PTPN14: variants seen among roughly 807,000 people sequenced by gnomAD.
The protein encoded by PTPN14 is tyrosine-protein phosphatase non-receptor type 14.
A neutral mutation model predicts 126.8 loss-of-function variants in PTPN14; 53 were observed. The ratio of observed to expected loss-of-function variants is 0.42; its 90% confidence interval spans 0.34 to 0.53. The LOEUF (loss-of-function observed/expected upper bound fraction) is 0.53. PTPN14 is among the 20% of genes least tolerant of loss of function. The pLI, the probability that PTPN14 is intolerant of heterozygous loss-of-function variation, is 0.08. For synonymous variants in PTPN14, 630 were observed against 599.3 expected (o/e 1.05, Z -0.75); for missense variants, 1,257 against 1,552.9 (o/e 0.81, Z 3.20).
At position 214,355,959 on chromosome 1, in the gene PTPN14, C is replaced by CTTTTTTTTTTTTTTTTTTTTTTTTT. The variant is rs58372033; in HGVS notation, c.*1962_*1963insAAAAAAAAAAAAAAAAAAAAAAAAA. On this transcript the variant is annotated 3_prime_UTR_variant, in exon 19 of 19. Coordinates refer to ENST00000366956, the MANE Select transcript of PTPN14 (RefSeq NM_005401.5). ...TAGTTTTTCTTGACAACCTTTTTTC[C>CTTTTTTTTTTTTTTTTTTTTTTTTT]TTTTTTTTTTTTTTTTTTGGAGGCA... 9.8e-6 allele frequency: 1 copy of CTTTTTTTTTTTTTTTTTTTTTTTTT among 101,684 alleles called. No individual in the cohort carries two copies. The highest frequency in any genetic ancestry group is 3.3e-4 in the South Asian group (1 of 3,068). 6.3% of individuals were successfully genotyped at this position (101,684 alleles called of 1,614,324 possible).
chr1:214,393,859 C>T (rs1658816711), intron 9 of PTPN14, 82 bp from the exon 10 acceptor site: 2 of 1,113,606 alleles, frequency 1.8e-6, no homozygotes, highest in South Asian at 2.6e-5. Context: ...TGAGGAGGGA[C>T]ACACATCCCT....
chr1:214,519,296 T>C (rs1655185052), intron 1 of PTPN14, among the ~76,000 whole-genome samples: 1 of 151,872 alleles, frequency 6.6e-6, no homozygotes, highest in Admixed American at 6.6e-5. Flanking sequence ...AACTCAACAA[T>C]CAAGAGGGAA....
intron 1 of PTPN14, among the ~76,000 whole-genome samples, chr1:214,510,226 T>A (rs1654939865): frequency 6.6e-6 from 1 of 152,192 alleles, no homozygotes; most frequent in Admixed American, 6.5e-5. Flanking sequence ...GCACAGTTTG[T>A]GACACCCCAA....
chr1:214,469,043 C>G (rs558474379), intron 1 of PTPN14, among the ~76,000 whole-genome samples: 1 of 152,286 alleles, frequency 6.6e-6, no homozygotes, highest in African/African-American at 2.4e-5. Flanking sequence ...AGAATTTGCA[C>G]AGCCACAGAG....
At chr1:214,453,364 A>G (rs1244033756) in intron 2 of PTPN14, among the ~76,000 whole-genome samples, 1 of 152,230 alleles carries the variant, frequency 6.6e-6, no homozygotes, top group East Asian at 1.9e-4. Context: ...CTGAATAGAA[A>G]GAAAACAGAC....
chr1:214,532,977 G>A (rs1329065370), intron 1 of PTPN14: 2 of 768,620 alleles, frequency 2.6e-6, no homozygotes, highest in African/African-American at 3.4e-5. Flanking sequence ...GAGAGGAGCT[G>A]GACAAGTGCT....
Position 214,364,584 on chromosome 1 carries a change from A to G in PTPN14, c.3363T>C (p.Cys1121=). 6.2e-7 allele frequency: 1 copy of G among 1,614,048 alleles called. No individual in the cohort carries two copies. The highest frequency in any genetic ancestry group is 8.5e-7 in the Non-Finnish European group (1 of 1,180,030). Reference sequence around the variant, plus strand: ...CGCCGGTCCTTCCCACCCCAGCACTACAGTGGACCACGATGGGCGGGTGCC... The same window carrying G: ...CGCCGGTCCTTCCCACCCCAGCACTGCAGTGGACCACGATGGGCGGGTGCC... The part of the protein sequence containing the change: ...KNRHPPIVVH[C]SAGVGRTGVL... The change falls in exon 18 of 19, where the codon TGT becomes TGC. Residue 1121 remains cysteine (C), a synonymous_variant. Transcript: ENST00000366956. This position sits in a 1 kb window ranked among gnomAD's most constrained non-coding sequence, Gnocchi z 4.1.
intron 18 of PTPN14, among the ~76,000 whole-genome samples, chr1:214,361,838 G>C (rs567580639): frequency 1.3e-5 from 2 of 152,270 alleles, no homozygotes; most frequent in East Asian, 3.9e-4. Flanking sequence ...AGAGCAGCCT[G>C]GGACAGCTGT....
chr1:214,391,068 G>C (rs1350484037), intron 10 of PTPN14, 23 bp from the exon 11 acceptor site: 1 of 1,530,798 alleles, frequency 6.5e-7, no homozygotes, highest in South Asian at 1.2e-5. Flanking sequence ...GTGAAAAAAT[G>C]AGAATGGTTA....
intron 10 of PTPN14, among the ~76,000 whole-genome samples, chr1:214,391,315 A>G (rs1224929211): frequency 6.6e-6 from 1 of 152,212 alleles, no homozygotes; most frequent in Non-Finnish European, 1.5e-5. Context: ...AGAAAGACTG[A>G]GGGAAATAAG....
chr1:214,364,741 G>A lies in PTPN14; in HGVS notation c.3272-66C>T. ...TGGCTTCGCATGTAAGTTGGGGAGG[G>A]GGGAGCGGAAGAGAACTGATGGTGA... On this transcript the variant is annotated intron_variant, in intron 17 of 18. Transcript: ENST00000366956. This position sits in a 1 kb window ranked among gnomAD's most constrained non-coding sequence, Gnocchi z 4.1. 6.5e-7 allele frequency: 1 copy of A among 1,529,536 alleles called. No individual in the cohort carries two copies. Among genetic ancestry groups the A allele is most frequent in the South Asian group, 1.2e-5 (1 of 81,596 alleles). The allele number at this position is 1,529,536 out of a possible 1,614,324, so 94.7% of individuals were successfully genotyped here. A position where few individuals can be genotyped will look rare whatever the true frequency, so the allele number is the denominator to read the frequency against.
At chr1:214,517,529 A>C (rs2102452297) in intron 1 of PTPN14, among the ~76,000 whole-genome samples, 1 of 152,104 alleles carries the variant, frequency 6.6e-6, no homozygotes, top group South Asian at 2.1e-4. Context: ...CCAAAAATCT[A>C]ATCATAGCAC....
intron 3 of PTPN14, among the ~76,000 whole-genome samples, chr1:214,421,016 A>C (rs1181811139): frequency 6.6e-6 from 1 of 152,258 alleles, no homozygotes; most frequent in East Asian, 1.9e-4. Flanking sequence ...GAAGTTAAAC[A>C]TACAATTATC....
chr1:214,472,985 T>C (rs1026554552), intron 1 of PTPN14, among the ~76,000 whole-genome samples: 1 of 152,236 alleles, frequency 6.6e-6, no homozygotes, highest in African/African-American at 2.4e-5. Context: ...AGGTCTTTTA[T>C]ATAGAATAGG....
In PTPN14 at chr1:214,383,657, T is replaced by C; in HGVS notation, c.2198A>G (p.Tyr733Cys). ...CAGGGCCGCCTGCAGCTGGGCACTG[T>C]ACTCCATCTTCTCCCGGAGCATGGG... ...QIPMLREKMEYSAQLQAALAR... is the reference protein window; with the variant it reads ...QIPMLREKMECSAQLQAALAR... Residue 733 changes from tyrosine to cysteine, a missense_variant, in exon 13 of 19, where the codon TAC (tyrosine) becomes TGC (cysteine). Tyr to Cys is a radical substitution (Grantham distance 194). Coordinates refer to ENST00000366956, the MANE Select transcript of PTPN14 (RefSeq NM_005401.5). The surrounding 1 kb of genome is among the most constrained non-coding windows in gnomAD (Gnocchi z 4.4). 1 of 1,613,502 alleles carries C rather than the reference T, an allele frequency of 6.2e-7. No homozygotes were observed. Among genetic ancestry groups the C allele is most frequent in the Non-Finnish European group, 8.5e-7 (1 of 1,180,032 alleles).
At chr1:214,408,728 G>A (rs556586441) in intron 5 of PTPN14, among the ~76,000 whole-genome samples, 7 of 152,306 alleles carry the variant, frequency 4.6e-5, no homozygotes, top group Non-Finnish European at 1.0e-4. Context: ...TATGAGACAG[G>A]TGGTTAAGGA....
At chr1:214,524,756 T>C (rs1050200766) in intron 1 of PTPN14, among the ~76,000 whole-genome samples, 1 of 152,104 alleles carries the variant, frequency 6.6e-6, no homozygotes, top group African/African-American at 2.4e-5. Context: ...CAGACTATGC[T>C]CCTCTCCAGC....
At chr1:214,457,383 G>A (rs542874571) in intron 2 of PTPN14, among the ~76,000 whole-genome samples, 17 of 152,294 alleles carry the variant, frequency 1.1e-4, no homozygotes, top group South Asian at 4.1e-4. Flanking sequence ...GGAGAGAGCC[G>A]AGAGTTATGA....
At chr1:214,523,595 T>C (rs1466162307) in intron 1 of PTPN14, among the ~76,000 whole-genome samples, 8 of 152,170 alleles carry the variant, frequency 5.3e-5, no homozygotes, top group Non-Finnish European at 8.8e-5. Flanking sequence ...AATTGCCTAA[T>C]AAGTCAATTC....
Sources: allele counts gnomAD v4.1 joint callset (sites outside exome capture counted in the v4.1 genomes callset), GRCh38; gene constraint gnomAD v4.1.1; non-coding constraint Gnocchi (gnomAD v3.1); transcripts MANE v1.5; gene names NCBI Gene and HGNC (gene_info 2026-07-23, HGNC 2026-07-21).